The following NXPE2 variants were observed in gnomAD, a reference collection of about 807,000 sequenced individuals.
The protein encoded by NXPE2 is neurexophilin and PC-esterase domain family member 2, also known as NXPE family member 2.
NXPE2 carries 34 observed loss-of-function variants against 34.4 expected under a neutral mutation model. The ratio of observed to expected loss-of-function variants is 0.99; its 90% CI spans 0.75 to 1.31. The LOEUF is 1.31. Among genes scored for constraint, NXPE2 ranks in the 40% most tolerant of loss-of-function variants. NXPE2 has a pLI of 0.00. For missense variants in NXPE2, 649 were observed against 672.5 expected (o/e 0.97, Z 0.39); for synonymous variants, 235 against 231.3 (o/e 1.02, Z -0.15).
chr11:114,796,622 C>T, the NXPE2 span, among the ~76,000 whole-genome samples: 3 of 152,186 alleles, frequency 2.0e-5, no homozygotes, highest in African/African-American at 7.2e-5. Context: ...TGTTGATTTA[C>T]TTATCTAGCA....
chr11:114,669,662 G>A, the NXPE2 span, among the ~76,000 whole-genome samples: 1 of 152,090 alleles, frequency 6.6e-6, no homozygotes, highest in Non-Finnish European at 1.5e-5. Flanking sequence ...ACTGACTTCA[G>A]TTCTGGAGCA....
the NXPE2 span, among the ~76,000 whole-genome samples, chr11:114,731,560 C>T: frequency 5.3e-5 from 8 of 152,168 alleles, no homozygotes; most frequent in African/African-American, 1.7e-4. Context: ...GAACAAGCTG[C>T]TGATACACAG....
intron 2 of NXPE2, among the ~76,000 whole-genome samples, chr11:114,694,423 A>G (rs1951210866): frequency 6.6e-6 from 1 of 152,122 alleles, no homozygotes; most frequent in Admixed American, 6.6e-5. Context: ...CTAGAGGTAG[A>G]TTTTTGGTAT....
chr11:114,583,793 G>A, the NXPE2 span: 1 of 442,340 alleles, frequency 2.3e-6, no homozygotes, highest in East Asian at 5.4e-5. Context: ...TCACCATGAT[G>A]ATGGCATGGA....
chr11:114,800,265 C>T, the NXPE2 span, among the ~76,000 whole-genome samples: 1 of 152,222 alleles, frequency 6.6e-6, no homozygotes, highest in East Asian at 1.9e-4. Flanking sequence ...GTTAACCAAT[C>T]TAAAAATAAT....
the NXPE2 span, among the ~76,000 whole-genome samples, chr11:114,794,924 C>T: frequency 4.3e-5 from 6 of 140,860 alleles, no homozygotes; most frequent in African/African-American, 1.5e-4. Flanking sequence ...GGCAAATTAA[C>T]TGCTTTGGAA....
chr11:114,499,822 A>T, the NXPE2 span, among the ~76,000 whole-genome samples: 1 of 152,084 alleles, frequency 6.6e-6, no homozygotes, highest in Admixed American at 6.5e-5. Flanking sequence ...GTCCCTACTG[A>T]TTCATTTCAT....
chr11:114,679,807 C>G, intron 2 of NXPE2, 45 bp downstream of exon 2: 1 of 1,190,758 alleles, frequency 8.4e-7, no homozygotes, highest in South Asian at 1.4e-5. Context: ...GTCACGGTGA[C>G]TTCATTTGAA....
intron 3 of NXPE2, among the ~76,000 whole-genome samples, chr11:114,699,872 C>T (rs1951333021): frequency 1.3e-5 from 2 of 151,502 alleles, no homozygotes; most frequent in Admixed American, 6.6e-5. Flanking sequence ...CGGCTCACTG[C>T]AACCTCCGCC....
the NXPE2 span, among the ~76,000 whole-genome samples, chr11:114,795,843 T>A: frequency 6.6e-6 from 1 of 152,222 alleles, no homozygotes; most frequent in East Asian, 1.9e-4. Flanking sequence ...CACTAATGAA[T>A]TTTCAAAAGG....
chr11:114,588,861 G>A, the NXPE2 span, among the ~76,000 whole-genome samples: 1 of 152,094 alleles, frequency 6.6e-6, no homozygotes. Flanking sequence ...TAAATGACAA[G>A]TTTATTACAC....
chr11:114,634,033 G>A, the NXPE2 span, among the ~76,000 whole-genome samples: 47 of 151,898 alleles, frequency 3.1e-4, 2 homozygotes, highest in African/African-American at 7.2e-4. Flanking sequence ...CTGAGGATTC[G>A]CCACACTGAC....
chr11:114,792,704 C>T, the NXPE2 span, among the ~76,000 whole-genome samples: 2 of 152,176 alleles, frequency 1.3e-5, no homozygotes, highest in African/African-American at 4.8e-5. Flanking sequence ...GCTTCAAAAA[C>T]ATCTAACTTG....
chr11:114,802,556 TATTAGA>T, the NXPE2 span, among the ~76,000 whole-genome samples: 4 of 152,214 alleles, frequency 2.6e-5, no homozygotes, highest in African/African-American at 9.6e-5. Context: ...TGGACTTTCT[TATTAGA>T]GGAAAGTAGC....
chr11:114,631,514 G>A, the NXPE2 span, among the ~76,000 whole-genome samples: 1 of 124,296 alleles, frequency 8.0e-6, no homozygotes, highest in East Asian at 2.8e-4. Flanking sequence ...AACACTCTGG[G>A]GACTGTTGTG....
At chr11:114,677,206 C>T (rs998161936), upstream of NXPE2, among the ~76,000 whole-genome samples, 1 of 151,962 alleles carries the variant, frequency 6.6e-6, no homozygotes, top group Admixed American at 6.6e-5. Flanking sequence ...TATTGTACAG[C>T]ATTGTGTCTA....
chr11:114,781,751 T>G, the NXPE2 span, among the ~76,000 whole-genome samples: 2 of 152,016 alleles, frequency 1.3e-5, no homozygotes, highest in Non-Finnish European at 2.9e-5. Context: ...GTCAGCCCAT[T>G]TTTTGGAGCC....
At chr11:114,632,228 T>A in the NXPE2 span, among the ~76,000 whole-genome samples, 12 of 140,538 alleles carry the variant, frequency 8.5e-5, 1 homozygote, top group African/African-American at 3.1e-4. Flanking sequence ...TGTATATATG[T>A]ATAATATATA....
Position 114,706,658 on chromosome 11 carries a change from C to A in NXPE2, c.1408C>A (p.Gln470Lys). 6.4e-7 allele frequency: 1 copy of A among 1,551,946 alleles called. No homozygotes were observed. Residue 470 changes from glutamine (Q) to lysine (K), a missense_variant, in exon 6 of 6, where the codon CAA (glutamine) becomes AAA (lysine). By Grantham distance (53) the Gln-to-Lys change is moderately conservative (BLOSUM62 1). Transcript: ENST00000389586. ...NIFIRRAINIQKAIERLFLRS... is the reference protein window; with the variant it reads ...NIFIRRAINIKKAIERLFLRS... ...TTTCATCCGTAGGGCCATCAATATT[C>A]AAAAGGCCATTGAACGTCTATTCTT...
Sources: gnomAD v4.1 joint callset for allele counts (sites outside exome capture counted in the v4.1 genomes callset) on GRCh38, gnomAD v4.1.1 for gene constraint, MANE v1.5 for transcripts, NCBI Gene and HGNC (gene_info 2026-07-23, HGNC 2026-07-21) for gene names.